The following DOP1A variants were observed in gnomAD, a reference collection of about 807,000 sequenced individuals.
The protein encoded by DOP1A is DOP1 leucine zipper like protein A, also known as protein DOP1A.
A neutral mutation model predicts 267.6 loss-of-function variants in DOP1A; 90 were observed. That is an observed-to-expected ratio of 0.34 (90% CI 0.28 to 0.40). The LOEUF is 0.40. DOP1A is among the 10% of genes least tolerant of loss of function. DOP1A has a pLI of 1.00. For synonymous variants in DOP1A, 932 were observed against 999.1 expected, an observed-to-expected ratio of 0.93 and a Z score of 1.27; for missense variants, 2,437 against 2,900.4, an observed-to-expected ratio of 0.84 and a Z score of 3.67.
chr6:83,151,812 A>G (rs1196727909), intron 28 of DOP1A, 71 bp from the exon 29 acceptor site: 2 of 1,498,546 alleles, frequency 1.3e-6, no homozygotes, highest in Non-Finnish European at 1.8e-6. Flanking sequence ...TATCAGAAAT[A>G]TAAACTACAG....
intron 4 of DOP1A, among the ~76,000 whole-genome samples, 186 bp from the exon 5 acceptor site, chr6:83,108,718 TTATAAG>T: frequency 6.6e-6 from 1 of 152,332 alleles, no homozygotes; most frequent in South Asian, 2.1e-4. Flanking sequence ...GCTATTGGGT[TTATAAG>T]TATAAAACCC....
chr6:83,166,142 A>C (rs2128455438), intron 38 of DOP1A: 1 of 464,578 alleles, frequency 2.2e-6, no homozygotes, highest in Non-Finnish European at 3.8e-6. Flanking sequence ...CAAAACAACG[A>C]ATTTTTTTAT....
intron 3 of DOP1A, among the ~76,000 whole-genome samples, chr6:83,098,897 T>C (rs755724727): frequency 6.6e-6 from 1 of 152,192 alleles, no homozygotes. Context: ...CAGATTTTTC[T>C]TGGCCTCTCT....
At chr6:83,160,313 C>A (rs1029781540) in intron 37 of DOP1A, among the ~76,000 whole-genome samples, 1 of 152,164 alleles carries the variant, frequency 6.6e-6, no homozygotes, top group Non-Finnish European at 1.5e-5. Context: ...TCAGAGCAGG[C>A]CCTGAGGGCA....
intron 1 of DOP1A, among the ~76,000 whole-genome samples, chr6:83,082,881 C>T (rs1481861265): frequency 6.6e-6 from 1 of 151,262 alleles, no homozygotes; most frequent in Non-Finnish European, 1.5e-5. Context: ...GGTCTCCACT[C>T]ACTGCACCCT....
intron 1 of DOP1A, among the ~76,000 whole-genome samples, chr6:83,088,027 A>G (rs1582885931): frequency 1.3e-5 from 2 of 152,264 alleles, no homozygotes; most frequent in Admixed American, 1.3e-4. Context: ...GCCTGCCGCC[A>G]TGCCCGGCTA....
intron 6 of DOP1A, 43 bp from the exon 7 acceptor site, chr6:83,113,280 T>C: frequency 6.7e-7 from 1 of 1,497,876 alleles, no homozygotes; most frequent in South Asian, 1.2e-5. Context: ...CAAAAATGTC[T>C]CAGCATAATA....
chr6:83,125,156 C>A lies in DOP1A; in HGVS notation c.1456-10C>A. On this transcript the variant is annotated splice_polypyrimidine_tract_variant and intron_variant, in intron 13 of 38. Coordinates refer to ENST00000349129, the MANE Select transcript of DOP1A (RefSeq NM_015018.4). ...TTCTCTCCTCACTTCTTTGCTTTCTCATTTTGAAGCCTACTAGAAGTATGA... is the reference window on the plus strand; with the variant it reads ...TTCTCTCCTCACTTCTTTGCTTTCTAATTTTGAAGCCTACTAGAAGTATGA... 6.3e-7 allele frequency: 1 copy of A among 1,579,248 alleles called. No individual in the cohort carries two copies. The highest frequency in any genetic ancestry group is 1.2e-5 in the South Asian group (1 of 82,780).
At chr6:83,125,101 A>T (rs1288428584) in intron 13 of DOP1A, 65 bp from the exon 14 acceptor site, 2 of 1,402,676 alleles carry the variant, frequency 1.4e-6, no homozygotes, top group Non-Finnish European at 9.8e-7. Flanking sequence ...CTATTAAATG[A>T]AGACTTTTGG....
Position 83,137,840 on chromosome 6 carries a change from T to C in DOP1A, c.3798T>C (p.Ser1266=). Residue 1266 remains serine (S), a synonymous_variant, in exon 21 of 39, where the codon AGT becomes AGC. Coordinates refer to ENST00000349129, the MANE Select transcript of DOP1A (RefSeq NM_015018.4). ...CCAAATCTAGACAAAGGAGTCACAG[T>C]AGTATTCAATTCAGCTTCAAAGAAA... is the stretch of plus-strand genomic sequence containing the variant. The part of the protein sequence containing the change: ...IETKSRQRSH[S]SIQFSFKEKL... The C allele has an allele frequency of 6.2e-7, 1 of 1,613,752 alleles. No individual in the cohort carries two copies. The highest frequency in any genetic ancestry group is 8.5e-7 in the Non-Finnish European group (1 of 1,179,862).
chr6:83,154,594 T>A (rs189044297), intron 33 of DOP1A, among the ~76,000 whole-genome samples: 1 of 152,284 alleles, frequency 6.6e-6, no homozygotes, highest in Admixed American at 6.5e-5. Context: ...ATTCAGTGAA[T>A]GAGAGACTGA....
chr6:83,145,127 A>ATG (rs1780310005), intron 24 of DOP1A, among the ~76,000 whole-genome samples: 1 of 111,428 alleles, frequency 9.0e-6, no homozygotes, highest in Non-Finnish European at 1.7e-5. Context: ...TATATTGTAT[A>ATG]TATATATATA....
At chr6:83,159,706 G>T in intron 36 of DOP1A, 90 bp from the exon 37 acceptor site, 1 of 1,431,656 alleles carries the variant, frequency 7.0e-7, no homozygotes, top group South Asian at 1.2e-5. Flanking sequence ...GGATGATTAT[G>T]AAAAATATTA....
intron 4 of DOP1A, among the ~76,000 whole-genome samples, chr6:83,103,094 T>TCTA (rs1554228524): frequency 1.3e-5 from 2 of 152,104 alleles, no homozygotes; most frequent in African/African-American, 2.4e-5. Context: ...TAGGTAGGTT[T>TCTA]TTATTATTAT....
intron 1 of DOP1A, among the ~76,000 whole-genome samples, chr6:83,074,947 A>G (rs913378605): frequency 6.6e-6 from 1 of 152,218 alleles, no homozygotes; most frequent in African/African-American, 2.4e-5. Context: ...GCCATAAGTC[A>G]AGGAATATCT....
Position 83,152,032 on chromosome 6 carries a change from T to C in DOP1A, c.6049+5T>C, listed in dbSNP as rs1406916808. ...ATTTGGAATCTGATGTTGAAGGTAT[T>C]CTTGTCAAACATTTAGGTTTATTAT... On this transcript the variant is annotated splice_donor_5th_base_variant and intron_variant, in intron 29 of 38. Coordinates refer to ENST00000349129, the MANE Select transcript of DOP1A (RefSeq NM_015018.4). 6.2e-6 allele frequency: 10 copies of C among 1,613,864 alleles called. No homozygotes were observed. The highest frequency in any genetic ancestry group is 1.7e-4 in the Middle Eastern group (1 of 6,060).
At chr6:83,094,276 A>G (rs544214030) in intron 1 of DOP1A, among the ~76,000 whole-genome samples, 4 of 152,220 alleles carry the variant, frequency 2.6e-5, no homozygotes, top group African/African-American at 9.6e-5. Flanking sequence ...ATAATATTCC[A>G]TGGTATTTTA....
rs1333730279 is a variant in DOP1A, at chr6:83,159,850, C to T, written c.6852C>T (p.Gly2284=). 4 of 1,614,166 alleles carry T rather than the reference C, an allele frequency of 2.5e-6. No homozygotes were observed. Among genetic ancestry groups the T allele is most frequent in the Non-Finnish European group, 2.5e-6 (3 of 1,180,040 alleles). ...AGACAACGTACACAGGAGGTAATGG[C>T]TTCTCTACTTCATATAACAGCCAGC... ...GLETTYTGGN[G]FSTSYNSQRW... is the part of the protein sequence containing the mutation. Residue 2284 remains glycine (G), a synonymous_variant, in exon 37 of 39, where the codon GGC becomes GGT. Transcript: ENST00000349129.
intron 1 of DOP1A, among the ~76,000 whole-genome samples, chr6:83,069,952 A>G (rs1399612131): frequency 6.6e-6 from 1 of 152,222 alleles, no homozygotes; most frequent in African/African-American, 2.4e-5. Flanking sequence ...AAGAGCTTAT[A>G]TCATGGAAAA....
Sources: gnomAD v4.1 joint callset for allele counts (sites outside exome capture counted in the v4.1 genomes callset) on GRCh38, gnomAD v4.1.1 for gene constraint, MANE v1.5 for transcripts, NCBI Gene and HGNC (gene_info 2026-07-23, HGNC 2026-07-21) for gene names.